The following NFATC1 variants were observed in gnomAD, a reference collection of about 807,000 sequenced individuals.
NFATC1 encodes nuclear factor of activated T cells 1, also known as nuclear factor of activated T-cells, cytoplasmic 1.
In NFATC1, 22 loss-of-function variants were observed where a neutral mutation model predicts 76.0. The observed-to-expected ratio is 0.29, with a 90% confidence interval of 0.21 to 0.41. NFATC1 has a LOEUF of 0.41. NFATC1 is among the 10% of genes least tolerant of loss of function. The pLI is 1.00. For missense variants in NFATC1, 1,357 were observed against 1,337.7 expected, an observed-to-expected ratio of 1.01 and a Z score of -0.23; for synonymous variants, 704 against 613.1, an observed-to-expected ratio of 1.15 and a Z score of -2.19.
intron 9 of NFATC1, among the ~76,000 whole-genome samples, chr18:79,519,522 TG>T (rs147055441): frequency 0.05 from 7,558 of 152,062 alleles, 213 homozygotes; most frequent in Middle Eastern, 0.078. Flanking sequence ...TTTGTAGAGA[TG>T]GGGGGTGGTC....
Position 79,486,358 on chromosome 18 carries a change from G to C in NFATC1, c.2203G>C (p.Ala735Pro), listed in dbSNP as rs372330806. 3 of 1,613,060 alleles carry C rather than the reference G, an allele frequency of 1.9e-6. No individual in the cohort carries two copies. Among genetic ancestry groups the C allele is most frequent in the Non-Finnish European group, 2.5e-6 (3 of 1,180,012 alleles). The change falls in exon 9 of 10, where the codon GCG becomes CCG. Residue 735 changes from alanine (A) to proline (P), a missense_variant. Around this residue, in one of 3 missense-constraint regions of NFATC1, gnomAD observed 424 missense variants for 395.4 expected, o/e 1.07. Transcript: ENST00000427363. ...AAGACCATACTACAGCCAGCAGCTC[G>C]CGATGCCACCCGACCCCAGCTCCTG... ...LPRPYYSQQL[A>P]MPPDPSSCLV...
At chr18:79,418,561 G>A (rs1348903270) in intron 2 of NFATC1, among the ~76,000 whole-genome samples, 2 of 152,208 alleles carry the variant, frequency 1.3e-5, no homozygotes, top group Non-Finnish European at 2.9e-5. Flanking sequence ...CCAGTCGAGG[G>A]GCTTTACGCA....
chr18:79,434,972 A>G (rs949190783), intron 3 of NFATC1, among the ~76,000 whole-genome samples: 2 of 152,196 alleles, frequency 1.3e-5, no homozygotes, highest in African/African-American at 4.8e-5. Context: ...CCCGTTTGAC[A>G]TTTAAAGTCT....
rs915466375 is a variant in NFATC1 at position 79,512,640 on chromosome 18, C to T, written c.2783-14888C>T. Reference sequence around the variant, plus strand: ...AGCTGCGGTCTCTCCAGTCGGTGGGCCCCGTGTGCCTCCCCCGTTTGCTGA... The same window carrying T: ...AGCTGCGGTCTCTCCAGTCGGTGGGTCCCGTGTGCCTCCCCCGTTTGCTGA... On this transcript the variant is annotated intron_variant, in intron 9 of 9. Transcript: ENST00000427363. 9.9e-5 allele frequency among the ~76,000 whole-genome samples: 15 copies of T among 152,224 alleles called. 1 individual carries two copies. The highest frequency in any genetic ancestry group is 6.8e-3 in the Middle Eastern group (2 of 294).
At chr18:79,417,186 GTGGGAGA>G (rs200442512) in intron 2 of NFATC1, among the ~76,000 whole-genome samples, 4 of 147,198 alleles carry the variant, frequency 2.7e-5, no homozygotes, top group East Asian at 2.0e-4. Flanking sequence ...ATGGGCTGTG[GTGGGAGA>G]TGGGAGATGG....
chr18:79,494,978 C>T (rs955519435), intron 9 of NFATC1, among the ~76,000 whole-genome samples: 6 of 151,910 alleles, frequency 3.9e-5, no homozygotes, highest in Non-Finnish European at 7.4e-5. Context: ...AGCGGGCACA[C>T]GCCCCCCATC....
intron 4 of NFATC1, among the ~76,000 whole-genome samples, chr18:79,450,082 G>A (rs2144774753): frequency 6.6e-6 from 1 of 152,294 alleles, no homozygotes; most frequent in Non-Finnish European, 1.5e-5. Flanking sequence ...GCTGGCGGCT[G>A]CGTTCACCCC....
rs1049915221 is a variant in NFATC1, at chr18:79,476,055, C to A, written c.2092+8473C>A. On this transcript the variant is annotated intron_variant, in intron 8 of 9. Transcript: ENST00000427363. Reference sequence around the variant, plus strand: ...GGGAGCCTGAGATGGGATGAGAGGGCGGGAAGGGGCTTGTTGAGAAATCTA... The same window carrying A: ...GGGAGCCTGAGATGGGATGAGAGGGAGGGAAGGGGCTTGTTGAGAAATCTA... Among the ~76,000 whole-genome samples, 3 of 151,974 alleles carry A rather than the reference C, an allele frequency of 2.0e-5. No individual in the cohort carries two copies. In the South Asian group the frequency reaches 6.2e-4, roughly 32 times the overall value.
At chr18:79,474,972 G>A (rs1294771670) in intron 8 of NFATC1, among the ~76,000 whole-genome samples, 2 of 96,874 alleles carry the variant, frequency 2.1e-5, no homozygotes, top group African/African-American at 1.8e-4. Context: ...CACTGTCGAC[G>A]TAAACCTGAG....
chr18:79,467,429 C>T (rs1202351909), intron 7 of NFATC1, 21 bp from the exon 8 acceptor site: 1 of 1,566,108 alleles, frequency 6.4e-7, no homozygotes, highest in Non-Finnish European at 8.7e-7. Context: ...ATTGTGCCTC[C>T]TGTGTGCCCT....
chr18:79,443,669 G>A (rs1441593531), intron 3 of NFATC1, among the ~76,000 whole-genome samples: 1 of 152,212 alleles, frequency 6.6e-6, no homozygotes, highest in African/African-American at 2.4e-5. Flanking sequence ...GTTCCTGCCG[G>A]GCACATGGAC....
intron 4 of NFATC1, 125 bp downstream of exon 4, chr18:79,449,109 T>A (rs1194487659): frequency 2.4e-6 from 2 of 841,976 alleles, no homozygotes; most frequent in East Asian, 5.3e-5. Flanking sequence ...ACACTTTTGG[T>A]TTAACAGCCA....
intron 2 of NFATC1, among the ~76,000 whole-genome samples, chr18:79,427,311 G>A (rs2086376636): frequency 6.6e-6 from 1 of 152,048 alleles, no homozygotes; most frequent in South Asian, 2.1e-4. Flanking sequence ...CAATTTGCCA[G>A]CATGTGCAAC....
At chr18:79,433,001 C>T (rs1387588188) in intron 2 of NFATC1, among the ~76,000 whole-genome samples, 1 of 152,208 alleles carries the variant, frequency 6.6e-6, no homozygotes, top group Admixed American at 6.5e-5. Context: ...ACCGTCGTAC[C>T]CCGCCCTGCT....
intron 3 of NFATC1, chr18:79,448,483 C>T (rs1397325873): frequency 4.5e-6 from 2 of 440,898 alleles, no homozygotes; most frequent in Admixed American, 4.1e-5. Context: ...CTCCGCTTTC[C>T]TGCACACGCC....
intron 3 of NFATC1, among the ~76,000 whole-genome samples, chr18:79,438,290 C>A (rs2086852065): frequency 6.6e-6 from 1 of 152,264 alleles, no homozygotes; most frequent in South Asian, 2.1e-4. Flanking sequence ...TGGCCTGCGT[C>A]CTCCACTGCT....
At chr18:79,493,469 G>GGCCTCT (rs1331928997) in intron 9 of NFATC1, 3 of 152,256 alleles carry the variant, frequency 2.0e-5, no homozygotes, top group African/African-American at 7.2e-5. Flanking sequence ...GCCGCCGCAC[G>GGCCTCT]GCCTCTGCCA....
At chr18:79,399,044 G>A (rs1330235342) in intron 1 of NFATC1, among the ~76,000 whole-genome samples, 2 of 152,260 alleles carry the variant, frequency 1.3e-5, no homozygotes, top group Non-Finnish European at 2.9e-5. Flanking sequence ...TCCAGCCTGG[G>A]TGACAGAGCG....
chr18:79,470,072 C>T (rs780181716), intron 8 of NFATC1: 10 of 947,006 alleles, frequency 1.1e-5, no homozygotes, highest in Non-Finnish European at 1.1e-5. Flanking sequence ...TCTGCAACCC[C>T]GGCTGGGTCT....
Sources: gnomAD v4.1 joint callset for allele counts (sites outside exome capture counted in the v4.1 genomes callset) on GRCh38, gnomAD v4.1.1 for gene constraint, gnomAD v4.1.1 regional missense constraint, MANE v1.5 for transcripts, NCBI Gene and HGNC (gene_info 2026-07-23, HGNC 2026-07-21) for gene names.